The following SPAG16 variants were observed in gnomAD, a reference collection of about 807,000 sequenced individuals.
SPAG16 encodes sperm-associated antigen 16 protein.
In SPAG16, 86 loss-of-function variants were observed where a neutral mutation model predicts 80.4. The observed-to-expected ratio is 1.07, with a 90% CI of 0.90 to 1.28. SPAG16 has a LOEUF of 1.28. Among genes scored for constraint, SPAG16 ranks in the 50% most tolerant of loss-of-function variants. The pLI is 0.00. For synonymous variants in SPAG16, 294 were observed against 265.9 expected, an observed-to-expected ratio of 1.11 and a Z score of -1.03; for missense variants, 870 against 765.3, an observed-to-expected ratio of 1.14 and a Z score of -1.61.
At chr2:214,049,315 C>T (rs1012911429) in intron 13 of SPAG16, among the ~76,000 whole-genome samples, 1 of 152,170 alleles carries the variant, frequency 6.6e-6, no homozygotes, top group African/African-American at 2.4e-5. Flanking sequence ...CTCTCCTTTT[C>T]CGTCAATATT....
intron 10 of SPAG16, among the ~76,000 whole-genome samples, chr2:213,772,009 G>A (rs781000052): frequency 2.0e-5 from 3 of 152,028 alleles, no homozygotes; most frequent in African/African-American, 7.3e-5. Context: ...AGTTTAATGG[G>A]AATAGCATTG....
At chr2:214,256,975 G>T (rs1468289352) in intron 15 of SPAG16, among the ~76,000 whole-genome samples, 1 of 151,722 alleles carries the variant, frequency 6.6e-6, no homozygotes, top group Non-Finnish European at 1.5e-5. Flanking sequence ...GAACTCTTTT[G>T]GTGTGGAATG....
rs1174123640 is a variant in SPAG16 at position 213,571,895 on chromosome 2, CT to C, written c.1070+81809del. On this transcript the variant is annotated intron_variant, in intron 10 of 15. Coordinates refer to ENST00000331683, the MANE Select transcript of SPAG16 (RefSeq NM_024532.5). ...TACACCAATCAGACATAGATTTGGT[CT>C]TTTCACATAGTCCCATAGTTCTTGG... Among the ~76,000 whole-genome samples the C allele has an allele frequency of 1.2e-4, 17 of 138,632 alleles. 2 individuals are homozygous for C. The highest frequency in any genetic ancestry group is 1.9e-4 in the Non-Finnish European group (13 of 66,860). 90.9% of individuals were successfully genotyped at this position (138,632 alleles called of 152,430 possible). A position where few individuals can be genotyped will look rare whatever the true frequency, so the allele number is the denominator to read the frequency against.
intron 13 of SPAG16, among the ~76,000 whole-genome samples, chr2:214,022,127 C>G (rs577791831): frequency 1.3e-5 from 2 of 151,982 alleles, no homozygotes; most frequent in African/African-American, 4.8e-5. Context: ...TTGAACTTGG[C>G]GAATGAGACA....
At chr2:214,312,636 T>A (rs773148851) in intron 15 of SPAG16, among the ~76,000 whole-genome samples, 1 of 152,178 alleles carries the variant, frequency 6.6e-6, no homozygotes, top group Non-Finnish European at 1.5e-5. Context: ...TTGATTTGAT[T>A]TATGGGAAGT....
At chr2:213,422,015 A>C (rs2069623102) in intron 9 of SPAG16, 1 of 580,204 alleles carries the variant, frequency 1.7e-6, no homozygotes, top group South Asian at 2.1e-5. Flanking sequence ...TCCACCTACC[A>C]GTTTTTCATG....
intron 9 of SPAG16, among the ~76,000 whole-genome samples, chr2:213,392,847 TA>T (rs570666549): frequency 1.1e-3 from 150 of 140,738 alleles, no homozygotes; most frequent in Middle Eastern, 3.6e-3. Context: ...CTCTGTCTCT[TA>T]AAAAAAAAAA....
intron 13 of SPAG16, among the ~76,000 whole-genome samples, chr2:214,031,107 T>C (rs937290911): frequency 5.9e-5 from 9 of 152,080 alleles, no homozygotes; most frequent in Non-Finnish European, 1.0e-4. Flanking sequence ...ATGATGGTGA[T>C]GTACAGATGG....
At chr2:213,813,580 TCTG>T (rs1040424473) in intron 10 of SPAG16, among the ~76,000 whole-genome samples, 1 of 152,086 alleles carries the variant, frequency 6.6e-6, no homozygotes, top group African/African-American at 2.4e-5. Flanking sequence ...AGGGGAAAGG[TCTG>T]CTGCTATTGG....
chr2:213,727,231 T>G (rs1046532815), intron 10 of SPAG16, among the ~76,000 whole-genome samples: 1 of 152,200 alleles, frequency 6.6e-6, no homozygotes, highest in Non-Finnish European at 1.5e-5. Context: ...TCATTTGTGC[T>G]GGGCATTACA....
intron 15 of SPAG16, among the ~76,000 whole-genome samples, chr2:214,247,967 G>A (rs1028487518): frequency 6.6e-6 from 1 of 152,022 alleles, no homozygotes; most frequent in Non-Finnish European, 1.5e-5. Context: ...GGTTGACGCT[G>A]CAGTGTGCCA....
intron 15 of SPAG16, among the ~76,000 whole-genome samples, chr2:214,209,140 G>A (rs949671846): frequency 2.0e-5 from 3 of 151,976 alleles, no homozygotes; most frequent in Non-Finnish European, 4.4e-5. Context: ...CTAGAGTCCA[G>A]ACTCAAAACA....
chr2:213,906,316 T>TA lies in SPAG16; in HGVS notation c.1215-23638dup, dbSNP rs1260516485. ...AGATACCTAAGAATAACCAATGAGGTAAAAAATTTTTACAATAGAAACCTC... is the reference window on the plus strand; with the variant it reads ...AGATACCTAAGAATAACCAATGAGGTAAAAAAATTTTTACAATAGAAACCTC... On this transcript the variant is annotated intron_variant, in intron 11 of 15. Coordinates refer to ENST00000331683, the MANE Select transcript of SPAG16 (RefSeq NM_024532.5). Among the ~76,000 whole-genome samples, 7 of 151,748 alleles carry TA rather than the reference T, an allele frequency of 4.6e-5. No homozygotes were observed. The East Asian group carries it at 9.7e-4, about 21-fold the overall frequency.
At chr2:214,351,716 AAAC>A (rs1448659218) in intron 15 of SPAG16, among the ~76,000 whole-genome samples, 3 of 27,852 alleles carry the variant, frequency 1.1e-4, no homozygotes, top group Admixed American at 1.4e-3. Context: ...ACAAACAAAC[AAAC>A]AAAAAAAACA....
chr2:214,307,080 C>T (rs1694968561), intron 15 of SPAG16, among the ~76,000 whole-genome samples: 1 of 152,014 alleles, frequency 6.6e-6, no homozygotes, highest in Non-Finnish European at 1.5e-5. Flanking sequence ...TTGGTCTGTT[C>T]AGGGATTCAG....
chr2:213,398,406 T>A (rs1310032450), intron 9 of SPAG16, among the ~76,000 whole-genome samples: 1 of 152,136 alleles, frequency 6.6e-6, no homozygotes, highest in Non-Finnish European at 1.5e-5. Flanking sequence ...CCTAGATCCC[T>A]TTTACCTCTC....
intron 10 of SPAG16, among the ~76,000 whole-genome samples, chr2:213,831,143 G>A (rs531075354): frequency 2.7e-5 from 4 of 147,610 alleles, no homozygotes; most frequent in South Asian, 2.2e-4. Flanking sequence ...GAGTTCAAGC[G>A]ATTCTCCTGC....
chr2:214,033,616 T>TA (rs1315378575), intron 13 of SPAG16, among the ~76,000 whole-genome samples: 6 of 152,188 alleles, frequency 3.9e-5, no homozygotes, highest in Admixed American at 2.0e-4. Context: ...GGTCCAGTCT[T>TA]ACCAAAAAGT....
chr2:213,922,087 G>C (rs767340716), intron 11 of SPAG16, among the ~76,000 whole-genome samples: 1 of 152,148 alleles, frequency 6.6e-6, no homozygotes, highest in Non-Finnish European at 1.5e-5. Flanking sequence ...ATGTTAGAAA[G>C]TTTTCATGTA....
Sources: allele counts gnomAD v4.1 joint callset (sites outside exome capture counted in the v4.1 genomes callset), GRCh38; gene constraint gnomAD v4.1.1; transcripts MANE v1.5; gene names NCBI Gene and HGNC (gene_info 2026-07-23, HGNC 2026-07-21).